The following TMEM145 variants were observed in gnomAD, a reference collection of about 807,000 sequenced individuals.
TMEM145 encodes transmembrane protein 145.
TMEM145 carries 46 observed loss-of-function variants against 68.5 expected under a neutral mutation model. The ratio of observed to expected loss-of-function variants is 0.67; its 90% CI spans 0.53 to 0.86. The LOEUF (loss-of-function observed/expected upper bound fraction) is 0.86, where lower values mean the gene tolerates loss of function less well. TMEM145 is among the 40% of genes least tolerant of loss of function. The pLI is 0.00. For missense variants in TMEM145, 570 were observed against 645.8 expected, an observed-to-expected ratio of 0.88 and a Z score of 1.27; for synonymous variants, 255 against 280.2, an observed-to-expected ratio of 0.91 and a Z score of 0.90.
In TMEM145 at chr19:42,313,610, C is replaced by T. The variant is rs1393228244; in HGVS notation, c.120+114C>T. 5 of 865,010 alleles carry T rather than the reference C, an allele frequency of 5.8e-6. No individual in the cohort carries two copies. Among genetic ancestry groups the T allele is most frequent in the Non-Finnish European group, 7.7e-6 (5 of 650,612 alleles). The allele number at this position is 865,010 out of a possible 1,614,324, so 53.6% of individuals were successfully genotyped here. On this transcript the variant is annotated intron_variant, in intron 1 of 14. Coordinates refer to ENST00000301204, the MANE Select transcript of TMEM145 (RefSeq NM_173633.3). This position sits in a 1 kb window ranked among gnomAD's most constrained non-coding sequence, Gnocchi z 5.1. ...CGCCCCTCCTGGCGGACTCCGGGAG[C>T]CTCGGGGGAGTGGGGCCGAGGGCGA... is the stretch of plus-strand genomic sequence containing the variant.
chr19:42,315,739 G>C (rs1227556591), intron 8 of TMEM145, among the ~76,000 whole-genome samples: 2 of 151,878 alleles, frequency 1.3e-5, no homozygotes, highest in Admixed American at 6.6e-5. Context: ...GGAGTATAAA[G>C]GCCGGAACTA....
intron 13 of TMEM145, chr19:42,321,227 C>CTT (rs780768912): frequency 6.4e-4 from 239 of 374,088 alleles, no homozygotes; most frequent in South Asian, 9.7e-4. Flanking sequence ...AGCACCACAT[C>CTT]TTTTTTTTTT....
At chr19:42,318,687 C>CA (rs140563915) in intron 12 of TMEM145, among the ~76,000 whole-genome samples, 19,941 of 89,256 alleles carry the variant, frequency 0.22, 2,520 homozygotes, top group African/African-American at 0.44. Flanking sequence ...ACTTCATCTT[C>CA]AAAAAAAAAA....
intron 3 of TMEM145, 32 bp from the exon 4 acceptor site, chr19:42,314,581 C>T (rs751563648): frequency 6.8e-6 from 11 of 1,613,914 alleles, no homozygotes; most frequent in African/African-American, 1.3e-5. Flanking sequence ...CGTTGCTGGC[C>T]GGGGGAGTGA....
chr19:42,317,231 C>A lies in TMEM145; in HGVS notation c.900+268C>A, dbSNP rs376343626. On this transcript the variant is annotated intron_variant, in intron 11 of 14. Transcript: ENST00000301204. ...ACTAAGAGTTCAGGAGTCACACAGA[C>A]CTGGATTCCACACCAGCTCTCCCAC... Among the ~76,000 whole-genome samples, 4 of 152,222 alleles carry A rather than the reference C, an allele frequency of 2.6e-5. No individual in the cohort carries two copies. In the East Asian group the frequency reaches 7.7e-4, roughly 29 times the overall value.
In TMEM145 at chr19:42,316,203, G is replaced by A. The variant is rs866944465; in HGVS notation, c.647-278G>A. 1.5e-4 allele frequency among the ~76,000 whole-genome samples: 22 copies of A among 148,650 alleles called. No individual in the cohort carries two copies. The South Asian group carries it at 3.8e-3, about 26-fold the overall frequency. ...CTGAGCCCCTGGGTCTGAAGGAGGA[G>A]GGGGTGGGGGCCTGGACCCCTGGGT... is the stretch of plus-strand genomic sequence containing the variant. On this transcript the variant is annotated intron_variant, in intron 8 of 14. Transcript: ENST00000301204.
Position 42,313,410 on chromosome 19 carries a change from C to G in TMEM145, c.34C>G (p.Leu12Val). 1 of 1,360,856 alleles carries G rather than the reference C, an allele frequency of 7.3e-7. No homozygotes were observed. Among genetic ancestry groups the G allele is most frequent in the Non-Finnish European group, 9.5e-7 (1 of 1,055,266 alleles). 84.3% of individuals were successfully genotyped at this position (1,360,856 alleles called of 1,614,324 possible). The change falls in exon 1 of 15, where the codon CTG (leucine) becomes GTG (valine). Residue 12 changes from leucine to valine, a missense_variant. Physicochemically the swap from Leu to Val is conservative, Grantham distance 32. Transcript: ENST00000301204. The surrounding 1 kb of genome is among the most constrained non-coding windows in gnomAD (Gnocchi z 5.1). ...EPLRAPALRRLLPPLLLLLLS... is the reference protein window; with the variant it reads ...EPLRAPALRRVLPPLLLLLLS... ...CCTGCGCGCGCCCGCGCTGCGCCGC[C>G]TGCTGCCGCCGCTGCTGCTCCTGCT...
intron 14 of TMEM145, among the ~76,000 whole-genome samples, chr19:42,324,098 G>A (rs976180318): frequency 1.3e-5 from 2 of 151,408 alleles, no homozygotes; most frequent in Non-Finnish European, 3.0e-5. Context: ...GCGCCCCGAC[G>A]CCGCCCTTTG....
At chr19:42,324,140 C>A in intron 14 of TMEM145, 1 of 633,272 alleles carries the variant, frequency 1.6e-6, no homozygotes, top group South Asian at 6.9e-5. Context: ...GGCGCCCCGC[C>A]ACCCAGTCCT....
At chr19:42,322,915 G>A (rs1239129776) in intron 13 of TMEM145, among the ~76,000 whole-genome samples, 1 of 152,090 alleles carries the variant, frequency 6.6e-6, no homozygotes, top group Non-Finnish European at 1.5e-5. Flanking sequence ...TGGCCATGCT[G>A]GTCTCAAACT....
chr19:42,324,384 G>T (rs369086905), intron 14 of TMEM145: 2 of 984,954 alleles, frequency 2.0e-6, no homozygotes, highest in East Asian at 1.1e-4. Flanking sequence ...CTTCCCGCTC[G>T]GTTCCCCAAG....
In TMEM145 at chr19:42,314,813, C is replaced by T. The variant is rs773879757; in HGVS notation, c.382C>T (p.Arg128Cys). 18 of 1,614,094 alleles carry T rather than the reference C, an allele frequency of 1.1e-5. No homozygotes were observed. Among genetic ancestry groups the T allele is most frequent in the South Asian group, 8.8e-5 (8 of 91,092 alleles). ...CCAGGTGGTATCAGAGGAGGGAACCCGCTACCTGAGCTGCTCCAGTGGCCG... is the reference window on the plus strand; with the variant it reads ...CCAGGTGGTATCAGAGGAGGGAACCTGCTACCTGAGCTGCTCCAGTGGCCG... Reference protein sequence around the residue: ...GCQVVSEEGTRYLSCSSGRSF... With the variant: ...GCQVVSEEGTCYLSCSSGRSF... Residue 128 changes from arginine to cysteine, a missense_variant, in exon 5 of 15, where the codon CGC (arginine) becomes TGC (cysteine). By Grantham distance (180) the Arg-to-Cys change is radical (BLOSUM62 -3). Transcript: ENST00000301204.
chr19:42,321,865 A>G (rs568805069), intron 13 of TMEM145: 3 of 152,372 alleles, frequency 2.0e-5, no homozygotes, highest in African/African-American at 7.2e-5. Context: ...TAATTGTCAG[A>G]GCAGCTCCAG....
chr19:42,320,224 G>GGTCT lies in TMEM145; in HGVS notation c.1074-91_1074-88dup, dbSNP rs2038898051. ...TCCCTCCAGTTTGGGACCTGCCTGG[G>GGTCT]GTCTGCGTGTGTACATGGCAGGCGA... On this transcript the variant is annotated intron_variant, in intron 12 of 14. Transcript: ENST00000301204. 16 of 1,547,680 alleles carry GGTCT rather than the reference G, an allele frequency of 1.0e-5. No individual in the cohort carries two copies. The South Asian group carries it at 1.7e-4, about 17-fold the overall frequency.
chr19:42,323,324 G>T (rs1195712090), intron 13 of TMEM145, among the ~76,000 whole-genome samples: 1 of 152,210 alleles, frequency 6.6e-6, no homozygotes, highest in South Asian at 2.1e-4. Context: ...ATACAGTGCA[G>T]GACGCTGACC....
Position 42,316,975 on chromosome 19 carries a change from TG to T in TMEM145, c.900+14del. ...TCTACGAGGCGGAAGTGAGTCCGAC[TG>T]GCCCCTGGCCGGGCCCTGCCTTCCC... is the stretch of plus-strand genomic sequence containing the variant. On this transcript the variant is annotated intron_variant, in intron 11 of 14. Coordinates refer to ENST00000301204, the MANE Select transcript of TMEM145 (RefSeq NM_173633.3). The T allele has an allele frequency of 6.2e-7, 1 of 1,610,676 alleles. No individual in the cohort carries two copies. The highest frequency in any genetic ancestry group is 1.7e-4 in the Middle Eastern group (1 of 5,826).
chr19:42,324,055 C>T (rs1296454581), intron 14 of TMEM145, among the ~76,000 whole-genome samples: 4 of 152,116 alleles, frequency 2.6e-5, no homozygotes, highest in African/African-American at 9.7e-5. Context: ...GGCTCTCCCC[C>T]AGCTCCCCGG....
In TMEM145 at chr19:42,325,028, CT is replaced by C. The variant is rs1322810893; in HGVS notation, c.*213del. 4 of 712,124 alleles carry C rather than the reference CT, an allele frequency of 5.6e-6. No individual in the cohort carries two copies. The highest frequency in any genetic ancestry group is 7.9e-6 in the Non-Finnish European group (4 of 507,160). The allele number at this position is 712,124 out of a possible 1,614,324, so 44.1% of individuals were successfully genotyped here. A position where few individuals can be genotyped will look rare whatever the true frequency, so the allele number is the denominator to read the frequency against. On this transcript the variant is annotated 3_prime_UTR_variant, in exon 15 of 15. Coordinates refer to ENST00000301204, the MANE Select transcript of TMEM145 (RefSeq NM_173633.3). ...CTGGCAGAAAGACATTTTACCCCTT[CT>C]TGCCAAAATAAAAAAGGATTCGTTT...
intron 14 of TMEM145, chr19:42,324,165 C>T: frequency 2.5e-6 from 2 of 791,566 alleles, no homozygotes; most frequent in Non-Finnish European, 3.1e-6. Context: ...TGACTGACAA[C>T]GTGCGTCCAC....
Sources: gnomAD v4.1 joint callset for allele counts (sites outside exome capture counted in the v4.1 genomes callset) on GRCh38, gnomAD v4.1.1 for gene constraint, Gnocchi (gnomAD v3.1) non-coding constraint, MANE v1.5 for transcripts, NCBI Gene and HGNC (gene_info 2026-07-23, HGNC 2026-07-21) for gene names.